Variants in SERGEF observed in about 807,000 individuals in gnomAD.
SERGEF encodes secretion-regulating guanine nucleotide exchange factor.
SERGEF carries 51 observed loss-of-function variants against 50.0 expected under a neutral mutation model. The observed-to-expected ratio is 1.02, with a 90% CI of 0.81 to 1.29. SERGEF has a LOEUF of 1.29. SERGEF is among the 50% of genes most tolerant of loss of function. SERGEF has a pLI of 0.00. For synonymous variants in SERGEF, 205 were observed against 212.4 expected (o/e 0.97, Z 0.30); for missense variants, 521 against 557.0 (o/e 0.94, Z 0.65).
rs7114572 is a variant in SERGEF at position 17,830,119 on chromosome 11, C to T, written c.1049-41706G>A. Among the ~76,000 whole-genome samples the T allele has an allele frequency of 5.5e-3, 837 of 152,300 alleles. 9 individuals carry two copies. The highest frequency in any genetic ancestry group is 0.019 in the African/African-American group (794 of 41,562). Reference sequence around the variant, plus strand: ...CAAAGCACTAATACCCACCTCTCTACCCATCCTGGGGCCAGTGCTTATCAC... The same window carrying T: ...CAAAGCACTAATACCCACCTCTCTATCCATCCTGGGGCCAGTGCTTATCAC... On this transcript the variant is annotated intron_variant, in intron 10 of 10. Coordinates refer to ENST00000265965, the MANE Select transcript of SERGEF (RefSeq NM_012139.4).
chr11:17,874,766 G>A (rs1851211429), intron 10 of SERGEF, among the ~76,000 whole-genome samples: 1 of 152,150 alleles, frequency 6.6e-6, no homozygotes, highest in Non-Finnish European at 1.5e-5. Flanking sequence ...AGATTCCCCA[G>A]TGGGAACCCC....
intron 8 of SERGEF, among the ~76,000 whole-genome samples, chr11:17,963,165 GA>G (rs1469573946): frequency 7.7e-6 from 1 of 130,598 alleles, no homozygotes; most frequent in Non-Finnish European, 1.6e-5. Flanking sequence ...CTGGGCAACA[GA>G]GGGAGACTCT....
chr11:17,933,201 C>T (rs1355448653), intron 9 of SERGEF, among the ~76,000 whole-genome samples: 1 of 152,136 alleles, frequency 6.6e-6, no homozygotes, highest in Non-Finnish European at 1.5e-5. Context: ...AAAAGATACA[C>T]ATGGTTAATC....
intron 9 of SERGEF, among the ~76,000 whole-genome samples, chr11:17,907,069 T>A (rs2032795635): frequency 6.6e-6 from 1 of 151,400 alleles, no homozygotes; most frequent in Admixed American, 6.6e-5. Context: ...ATTTCCAGTG[T>A]CTTGGGGAAA....
In SERGEF at chr11:17,988,699, C is replaced by G; in HGVS notation, c.742G>C (p.Ala248Pro). 6.2e-7 allele frequency: 1 copy of G among 1,614,096 alleles called. No individual in the cohort carries two copies. The highest frequency in any genetic ancestry group is 8.5e-7 in the Non-Finnish European group (1 of 1,179,998). Residue 248 changes from alanine to proline, a missense_variant, in exon 8 of 11, where the codon GCT (alanine) becomes CCT (proline). By Grantham distance (27) the Ala-to-Pro change is conservative (BLOSUM62 -1). Coordinates refer to ENST00000265965, the MANE Select transcript of SERGEF (RefSeq NM_012139.4). ...TTCTGGGGCACAGGAAGGAAAGCAG[C>G]CTCATTAGCCAGTTGCCCATGCTTG... Reference protein sequence around the residue: ...SNKHGQLANEAAFLPVPQKIE... With the variant: ...SNKHGQLANEPAFLPVPQKIE...
rs1186315938 is a variant in SERGEF, at chr11:18,000,889, T to C, written c.448-332A>G. 3.3e-5 allele frequency: 16 copies of C among 488,910 alleles called. 1 individual carries two copies. The Middle Eastern group carries it at 1.5e-3, about 47-fold the overall frequency. 30.3% of individuals were successfully genotyped at this position (488,910 alleles called of 1,614,324 possible). On this transcript the variant is annotated intron_variant, in intron 4 of 10. Coordinates refer to ENST00000265965, the MANE Select transcript of SERGEF (RefSeq NM_012139.4). ...TTACAGGCCACAGTTTCTGTCACAC[T>C]ACTCAGCTGTGCCATTGTAACATAA...
chr11:17,873,805 C>G (rs1851194050), intron 10 of SERGEF, among the ~76,000 whole-genome samples: 1 of 152,148 alleles, frequency 6.6e-6, no homozygotes, highest in Non-Finnish European at 1.5e-5. Flanking sequence ...CTGTGTGGAG[C>G]AGGGAGAGAG....
At chr11:17,937,491 C>G (rs1272548921) in intron 9 of SERGEF, among the ~76,000 whole-genome samples, 2 of 152,020 alleles carry the variant, frequency 1.3e-5, no homozygotes, top group African/African-American at 4.8e-5. Flanking sequence ...GAGCTGAGAT[C>G]GTGCCACTGG....
intron 6 of SERGEF, among the ~76,000 whole-genome samples, chr11:17,994,757 G>T (rs986116717): frequency 6.6e-6 from 1 of 151,986 alleles, no homozygotes; most frequent in African/African-American, 2.4e-5. Flanking sequence ...TCAACCCATG[G>T]GTTTCAGGGA....
intron 1 of SERGEF, 190 bp downstream of exon 1, chr11:18,012,761 G>A: frequency 1.4e-6 from 2 of 1,435,062 alleles, no homozygotes; most frequent in South Asian, 1.3e-5. Context: ...AGTCGACCGC[G>A]AAGACCCTTC....
intron 2 of SERGEF, 79 bp from the exon 3 acceptor site, chr11:18,006,825 T>A: frequency 1.3e-6 from 2 of 1,508,888 alleles, no homozygotes; most frequent in Non-Finnish European, 9.1e-7. Flanking sequence ...ATTTCACTAA[T>A]TATTTGGACT....
chr11:17,963,995 G>T (rs1185128916), intron 8 of SERGEF, among the ~76,000 whole-genome samples: 1 of 152,004 alleles, frequency 6.6e-6, no homozygotes. Context: ...AAACAAAGAA[G>T]AAAGAATTTA....
intron 9 of SERGEF, among the ~76,000 whole-genome samples, chr11:17,894,966 C>T (rs1204777451): frequency 6.6e-6 from 1 of 152,174 alleles, no homozygotes; most frequent in Non-Finnish European, 1.5e-5. Context: ...AAAAAGTGGG[C>T]CTGTAGTGTA....
At chr11:17,831,662 G>C (rs1203084742) in intron 10 of SERGEF, among the ~76,000 whole-genome samples, 1 of 152,214 alleles carries the variant, frequency 6.6e-6, no homozygotes, top group Non-Finnish European at 1.5e-5. Flanking sequence ...TACTGGAAGT[G>C]TTTGATGTAT....
At chr11:17,959,100 G>A (rs746362751) in intron 9 of SERGEF, among the ~76,000 whole-genome samples, 3 of 152,026 alleles carry the variant, frequency 2.0e-5, no homozygotes, top group African/African-American at 4.8e-5. Flanking sequence ...AACTCCTGAC[G>A]TCAGGCAGTT....
intron 9 of SERGEF, among the ~76,000 whole-genome samples, chr11:17,927,950 G>C (rs1018307091): frequency 6.6e-5 from 10 of 152,232 alleles, no homozygotes; most frequent in Admixed American, 6.5e-4. Flanking sequence ...GAAGCAGCTG[G>C]CTAGTAGTAA....
At chr11:18,010,064 C>A in intron 1 of SERGEF, 1 of 1,126,756 alleles carries the variant, frequency 8.9e-7, no homozygotes, top group Non-Finnish European at 1.2e-6. Flanking sequence ...ATAATTTATT[C>A]AAGTACCTAC....
At chr11:17,997,329 T>C (rs971135521) in intron 5 of SERGEF, among the ~76,000 whole-genome samples, 5 of 152,188 alleles carry the variant, frequency 3.3e-5, no homozygotes, top group African/African-American at 1.2e-4. Flanking sequence ...TGAAAACAGA[T>C]ATCACCTCAT....
chr11:17,959,508 T>A lies in SERGEF; in HGVS notation c.973A>T (p.Met325Leu), dbSNP rs777339753. Residue 325 changes from methionine (M) to leucine (L), a missense_variant, in exon 9 of 11, where the codon ATG (methionine) becomes TTG (leucine). Transcript: ENST00000265965. ...FLPCSRPPNS[M>L]PSSPHCLTGA... ...GTTAAGCAATGCGGAGACGAAGGCA[T>A]GCTGTTCGGTGGTCTTGAACAGGGG... is the stretch of plus-strand genomic sequence containing the variant. 1.4e-5 allele frequency: 22 copies of A among 1,614,088 alleles called. No individual in the cohort carries two copies. In the East Asian group the frequency reaches 4.7e-4, roughly 34 times the overall value.
Sources: allele counts gnomAD v4.1 joint callset (sites outside exome capture counted in the v4.1 genomes callset), GRCh38; gene constraint gnomAD v4.1.1; transcripts MANE v1.5; gene names NCBI Gene and HGNC (gene_info 2026-07-23, HGNC 2026-07-21).